The following DNAI2 variants were observed in gnomAD, a reference collection of about 807,000 sequenced individuals.
The protein encoded by DNAI2 is dynein, axonemal, intermediate polypeptide 2.
A neutral mutation model predicts 74.7 loss-of-function variants in DNAI2; 63 were observed. That is an observed-to-expected ratio of 0.84 (90% CI 0.69 to 1.04). The LOEUF is 1.04. DNAI2 is among the 50% of genes least tolerant of loss of function. The probability of loss-of-function intolerance (pLI) is 0.00; values close to 1 mark genes in which losing one functional copy is unlikely to be tolerated. For synonymous variants in DNAI2, 289 were observed against 314.9 expected, an observed-to-expected ratio of 0.92 and a Z score of 0.87; for missense variants, 688 against 803.2, an observed-to-expected ratio of 0.86 and a Z score of 1.73.
chr17:74,296,333 G>A (rs1598304621), intron 6 of DNAI2, among the ~76,000 whole-genome samples: 1 of 44,638 alleles, frequency 2.2e-5, no homozygotes, highest in African/African-American at 4.6e-5. Context: ...GAGAGAGAGA[G>A]GAGAGAGAGA....
In DNAI2 at chr17:74,289,657, G is replaced by T. The variant is rs776667942; in HGVS notation, c.531G>T (p.Lys177Asn). 5.5e-5 allele frequency: 88 copies of T among 1,614,014 alleles called. No homozygotes were observed. The highest frequency in any genetic ancestry group is 6.8e-5 in the Non-Finnish European group (80 of 1,180,042). The change falls in exon 5 of 14, where the codon AAG becomes AAT. Residue 177 changes from lysine to asparagine, a missense_variant. Transcript: ENST00000311014. The stretch of plus-strand genomic sequence containing the variant: ...CCTGGCACCCCGATGGCAACAGGAA[G>T]TTGGCAGTGGCATACTCCTGCTTGG... ...HLSWHPDGNR[K>N]LAVAYSCLDF...
chr17:74,300,302 A>G lies in DNAI2; in HGVS notation c.864+445A>G, dbSNP rs768511171. Among the ~76,000 whole-genome samples, 12 of 152,178 alleles carry G rather than the reference A, an allele frequency of 7.9e-5. No homozygotes were observed. The highest frequency in any genetic ancestry group is 1.8e-4 in the Non-Finnish European group (12 of 68,022). ...AATACATGCCCACGGAACAGAATCTAAAGGGTGCAAAAAAGAAAATGCCTT... is the reference window on the plus strand; with the variant it reads ...AATACATGCCCACGGAACAGAATCTGAAGGGTGCAAAAAAGAAAATGCCTT... On this transcript the variant is annotated intron_variant, in intron 7 of 13. Coordinates refer to ENST00000311014, the MANE Select transcript of DNAI2 (RefSeq NM_023036.6). The surrounding 1 kb of genome is among the most constrained non-coding windows in gnomAD (Gnocchi z 4.5).
At position 74,301,862 on chromosome 17, in the gene DNAI2, AGAAGGAAGGAAG is replaced by A. The variant is rs761320355; in HGVS notation, c.987+730_987+741del. On this transcript the variant is annotated intron_variant, in intron 8 of 13. Coordinates refer to ENST00000311014, the MANE Select transcript of DNAI2 (RefSeq NM_023036.6). ...GAAAGAAAAGGAAAGAAGGAAGGAAAGAAGGAAGGAAGGAAGGAAGGAAGGAAGGAAGGAAGG... is the reference window on the plus strand; with the variant it reads ...GAAAGAAAAGGAAAGAAGGAAGGAAAGAAGGAAGGAAGGAAGGAAGGAAGG... 6.1e-4 allele frequency among the ~76,000 whole-genome samples: 41 copies of A among 67,356 alleles called. 1 individual carries two copies. Among genetic ancestry groups the A allele is most frequent in the Non-Finnish European group, 8.0e-4 (27 of 33,768 alleles). The allele number at this position is 67,356 out of a possible 152,430, so 44.2% of individuals were successfully genotyped here. A position where few individuals can be genotyped will look rare whatever the true frequency, so the allele number is the denominator to read the frequency against.
At chr17:74,294,896 T>C (rs1217506581) in intron 6 of DNAI2, among the ~76,000 whole-genome samples, 1 of 152,210 alleles carries the variant, frequency 6.6e-6, no homozygotes, top group African/African-American at 2.4e-5. Flanking sequence ...GTTGGCATGC[T>C]TGATGGTGTC....
chr17:74,282,900 T>C (rs1374038815), intron 2 of DNAI2, among the ~76,000 whole-genome samples: 1 of 152,158 alleles, frequency 6.6e-6, no homozygotes, highest in Non-Finnish European at 1.5e-5. Flanking sequence ...ACAGTTCAAA[T>C]GAATTAGGTG....
intron 2 of DNAI2, among the ~76,000 whole-genome samples, chr17:74,283,546 A>G (rs1282717083): frequency 6.6e-6 from 1 of 152,034 alleles, no homozygotes; most frequent in Non-Finnish European, 1.5e-5. Flanking sequence ...AGTTCACAGC[A>G]GCAGTGAGCT....
chr17:74,285,121 G>T lies in DNAI2; in HGVS notation c.265G>T (p.Glu89Ter). The T allele has an allele frequency of 6.2e-7, 1 of 1,614,246 alleles. No homozygotes were observed. The highest frequency in any genetic ancestry group is 8.5e-7 in the Non-Finnish European group (1 of 1,180,040). ...GGWPKDVNPL[E>*]LEQTIRFRKK... The stretch of plus-strand genomic sequence containing the variant: ...CTGGCCCAAGGACGTGAACCCCCTG[G>T]AGCTGGAGCAGACCATCCGTTTCCG... Residue 89 changes from glutamate (E) to a stop codon, truncating the protein, a stop_gained, in exon 3 of 14, where the codon GAG becomes TAG. Coordinates refer to ENST00000311014, the MANE Select transcript of DNAI2 (RefSeq NM_023036.6). LOFTEE classifies it high-confidence loss of function.
At chr17:74,295,920 G>T (rs568721974) in intron 6 of DNAI2, among the ~76,000 whole-genome samples, 2 of 152,238 alleles carry the variant, frequency 1.3e-5, no homozygotes, top group South Asian at 4.2e-4. Context: ...CTGCTAAGGG[G>T]CTCTGTGTGC....
chr17:74,290,876 C>T, intron 5 of DNAI2, 144 bp from the exon 6 acceptor site: 4 of 785,740 alleles, frequency 5.1e-6, no homozygotes, highest in Non-Finnish European at 9.2e-6. Context: ...CCAGGGGGTG[C>T]AGGCTGGGGA....
chr17:74,285,469 C>G (rs535778175), intron 3 of DNAI2, among the ~76,000 whole-genome samples: 1 of 152,242 alleles, frequency 6.6e-6, no homozygotes, highest in East Asian at 1.9e-4. Context: ...CCAAAGTGCC[C>G]CACCCAGCAG....
intron 6 of DNAI2, among the ~76,000 whole-genome samples, chr17:74,293,067 T>C (rs1369478567): frequency 6.6e-6 from 1 of 151,650 alleles, no homozygotes; most frequent in Non-Finnish European, 1.5e-5. Context: ...TCTCCTGACC[T>C]CGTGATCCGC....
At chr17:74,286,297 A>AAATAATAATAAAT (rs2051724711) in intron 3 of DNAI2, among the ~76,000 whole-genome samples, 3 of 140,676 alleles carry the variant, frequency 2.1e-5, no homozygotes, top group African/African-American at 7.7e-5. Context: ...CTGTGTCTCA[A>AAATAATAATAAAT]AATAATAATA....
chr17:74,314,473 CA>C, intron 13 of DNAI2, 115 bp from the exon 14 acceptor site: 1 of 592,644 alleles, frequency 1.7e-6, no homozygotes, highest in South Asian at 1.8e-5. Context: ...CCCATTGTCT[CA>C]GCCACCCTGA....
In DNAI2 at chr17:74,285,089, A is replaced by AG; in HGVS notation, c.239dup (p.Trp81LeufsTer24). On this transcript the variant is annotated frameshift_variant, in exon 3 of 14. Transcript: ENST00000311014. LOFTEE classifies it high-confidence loss of function. ...GAGACCCGGGGAGTTAACCATGTCG[A>AG]GGGGGGCTGGCCCAAGGACGTGAAC... 1 of 1,614,194 alleles carries AG rather than the reference A, an allele frequency of 6.2e-7. No homozygotes were observed. Among genetic ancestry groups the AG allele is most frequent in the Non-Finnish European group, 8.5e-7 (1 of 1,180,034 alleles).
In DNAI2 at chr17:74,312,180, G is replaced by A. The variant is rs1979370; in HGVS notation, c.1672G>A (p.Ala558Thr). 0.88 allele frequency: 1,419,111 copies of A among 1,610,478 alleles called. 631,593 individuals are homozygous for A. The highest frequency in any genetic ancestry group is 0.92 in the Admixed American group (54,785 of 59,792). Residue 558 changes from alanine (A) to threonine (T), a missense_variant, in exon 12 of 14, where the codon GCA becomes ACA. By Grantham distance (58) the Ala-to-Thr change is moderately conservative (BLOSUM62 0). Transcript: ENST00000311014. ...AEEEFFDIIF[A>T]ELKKKEADAI... ...GGAGGAGTTCTTCGACATCATCTTC[G>A]CAGAGCTGAAGAAGAAGGAGGCAGA...
chr17:74,307,264 G>A, intron 9 of DNAI2: 1 of 456,306 alleles, frequency 2.2e-6, no homozygotes, highest in Non-Finnish European at 4.4e-6. Flanking sequence ...GCACCCATAG[G>A]CCTTTCGCAG....
intron 8 of DNAI2, among the ~76,000 whole-genome samples, chr17:74,303,617 CAG>C (rs2052989461): frequency 1.1e-5 from 1 of 95,086 alleles, no homozygotes; most frequent in Admixed American, 9.0e-5. Flanking sequence ...TTTTTTGAGA[CAG>C]AGTCTCACTC....
chr17:74,280,477 A>G lies in DNAI2; in HGVS notation c.-11-1330A>G, dbSNP rs1277361524. On this transcript the variant is annotated intron_variant, in intron 1 of 13. Coordinates refer to ENST00000311014, the MANE Select transcript of DNAI2 (RefSeq NM_023036.6). ...GTCAGAGGCTTTCCCAAAGGCCTCCATGTCCCGCCTGTTGGGGAAGCCCCT... is the reference window on the plus strand; with the variant it reads ...GTCAGAGGCTTTCCCAAAGGCCTCCGTGTCCCGCCTGTTGGGGAAGCCCCT... 2.6e-5 allele frequency among the ~76,000 whole-genome samples: 4 copies of G among 152,314 alleles called. No homozygotes were observed. In the South Asian group the frequency reaches 6.2e-4, roughly 24 times the overall value.
chr17:74,298,523 T>C (rs999943262), intron 6 of DNAI2, among the ~76,000 whole-genome samples: 2 of 152,104 alleles, frequency 1.3e-5, no homozygotes, highest in Non-Finnish European at 2.9e-5. Flanking sequence ...GCCAGGCTGG[T>C]CTTGAACTCC....
Sources: allele counts gnomAD v4.1 joint callset (sites outside exome capture counted in the v4.1 genomes callset), GRCh38; gene constraint gnomAD v4.1.1; non-coding constraint Gnocchi (gnomAD v3.1); transcripts MANE v1.5; gene names NCBI Gene and HGNC (gene_info 2026-07-23, HGNC 2026-07-21).